Variants in DLAT observed in about 807,000 individuals in gnomAD.
DLAT encodes dihydrolipoamide S-acetyltransferase, also known as dihydrolipoyllysine-residue acetyltransferase component of pyruvate dehydrogenase complex, mitochondrial.
DLAT carries 43 observed loss-of-function variants against 68.0 expected under a neutral mutation model. The ratio of observed to expected loss-of-function variants is 0.63; its 90% CI spans 0.50 to 0.81. The LOEUF is 0.81. Ranked by LOEUF, DLAT falls within the 40% of genes least tolerant of loss-of-function variation. DLAT has a pLI of 0.00. For missense variants in DLAT, 745 were observed against 815.4 expected (o/e 0.91, Z 1.05); for synonymous variants, 265 against 288.6 (o/e 0.92, Z 0.83).
At position 112,025,560 on chromosome 11, in the gene DLAT, G is replaced by A. The variant is rs1768516676; in HGVS notation, c.88G>A (p.Gly30Arg). Residue 30 changes from glycine (G) to arginine (R), a missense_variant, in exon 1 of 14, where the codon GGA becomes AGA. Physicochemically the swap from Gly to Arg is moderately radical, Grantham distance 125 (BLOSUM62 -2). Coordinates refer to ENST00000280346, the MANE Select transcript of DLAT (RefSeq NM_001931.5). ...ARWTALQEVP[G>R]TPRVTSRSGP... Reference sequence around the variant, plus strand: ...GTGGACGGCCTTGCAGGAGGTACCCGGAACTCCACGAGTGACCTCGCGATC... The same window carrying A: ...GTGGACGGCCTTGCAGGAGGTACCCAGAACTCCACGAGTGACCTCGCGATC... 4.3e-6 allele frequency: 7 copies of A among 1,613,908 alleles called. No homozygotes were observed. The highest frequency in any genetic ancestry group is 5.9e-6 in the Non-Finnish European group (7 of 1,180,006).
At chr11:112,033,594 A>C in intron 5 of DLAT, 64 bp downstream of exon 5, 1 of 1,579,738 alleles carries the variant, frequency 6.3e-7, no homozygotes, top group South Asian at 1.1e-5. Context: ...GAGGATTGCC[A>C]TTCTTTCCTA....
In DLAT at chr11:112,064,202, G is replaced by A. The variant is rs782704904; in HGVS notation, c.*1667G>A. ...CAAAGATAATTCATCTTTCGCTAAT[G>A]CTTGTGGTTCTGTTGTTCCCTTGAA... On this transcript the variant is annotated 3_prime_UTR_variant, in exon 14 of 14. Transcript: ENST00000280346. The A allele has an allele frequency of 3.8e-6, 6 of 1,570,060 alleles. No homozygotes were observed. In the East Asian group the frequency reaches 1.1e-4, roughly 30 times the overall value.
intron 13 of DLAT, 125 bp downstream of exon 13, chr11:112,061,299 T>C: frequency 2.1e-6 from 2 of 947,536 alleles, no homozygotes; most frequent in Non-Finnish European, 3.4e-6. Context: ...AATGCTCAAG[T>C]CCCTGATATG....
chr11:112,040,926 A>T (rs1453103976), intron 7 of DLAT, among the ~76,000 whole-genome samples: 1 of 151,644 alleles, frequency 6.6e-6, no homozygotes, highest in Non-Finnish European at 1.5e-5. Context: ...GGAGTGTTAA[A>T]AAAAAAAAAG....
rs1215265110 is a variant in DLAT at position 112,045,129 on chromosome 11, C to T, written c.1198-9C>T. On this transcript the variant is annotated splice_polypyrimidine_tract_variant and intron_variant, in intron 8 of 13. Transcript: ENST00000280346. ...ACAGTTACTAAGAGCTTTTTCTTTCCTCCCATAGGCTCCGGCAGCTGTTGT... is the reference window on the plus strand; with the variant it reads ...ACAGTTACTAAGAGCTTTTTCTTTCTTCCCATAGGCTCCGGCAGCTGTTGT... The T allele has an allele frequency of 6.2e-7, 1 of 1,612,468 alleles. No individual in the cohort carries two copies. Among genetic ancestry groups the T allele is most frequent in the Non-Finnish European group, 8.5e-7 (1 of 1,178,734 alleles).
intron 10 of DLAT, among the ~76,000 whole-genome samples, chr11:112,046,229 G>A (rs989378401): frequency 6.6e-6 from 1 of 151,924 alleles, no homozygotes; most frequent in African/African-American, 2.4e-5. Flanking sequence ...TTGTTTCCTT[G>A]TAACAGTTTT....
At chr11:112,029,594 T>C (rs1413586224) in intron 4 of DLAT, among the ~76,000 whole-genome samples, 1 of 151,766 alleles carries the variant, frequency 6.6e-6, no homozygotes, top group Non-Finnish European at 1.5e-5. Context: ...CCTCCTCCAA[T>C]ACCCAGACAC....
chr11:112,047,402 C>T (rs1863377564), intron 10 of DLAT, among the ~76,000 whole-genome samples: 1 of 152,116 alleles, frequency 6.6e-6, no homozygotes, highest in African/African-American at 2.4e-5. Flanking sequence ...AATTTTCTCC[C>T]ATTCTGTAGG....
intron 11 of DLAT, among the ~76,000 whole-genome samples, chr11:112,054,811 A>G (rs1863906798): frequency 6.6e-6 from 1 of 152,200 alleles, no homozygotes; most frequent in South Asian, 2.1e-4. Flanking sequence ...AAGACTATAG[A>G]GAAGAATCCT....
chr11:112,059,762 T>A, intron 11 of DLAT, 141 bp from the exon 12 acceptor site: 1 of 640,882 alleles, frequency 1.6e-6, no homozygotes, highest in Non-Finnish European at 2.6e-6. Context: ...AGGATAGACA[T>A]CTTAATTTTT....
In DLAT at chr11:112,051,200, A is replaced by G. The variant is rs781907594; in HGVS notation, c.1399-34A>G. Reference sequence around the variant, plus strand: ...ACTTAAAATTAAAATTAAAATTAAAAAAGAAGAAACTACAGTTCTTCTTGT... The same window carrying G: ...ACTTAAAATTAAAATTAAAATTAAAGAAGAAGAAACTACAGTTCTTCTTGT... On this transcript the variant is annotated intron_variant, in intron 10 of 13. Coordinates refer to ENST00000280346, the MANE Select transcript of DLAT (RefSeq NM_001931.5). This position sits in a 1 kb window ranked among gnomAD's most constrained non-coding sequence, Gnocchi z 4.3. 7.2e-7 allele frequency: 1 copy of G among 1,393,186 alleles called. No homozygotes were observed. Among genetic ancestry groups the G allele is most frequent in the South Asian group, 1.2e-5 (1 of 81,406 alleles). The allele number at this position is 1,393,186 out of a possible 1,614,324, so 86.3% of individuals were successfully genotyped here.
rs1384801673 is a variant in DLAT at position 112,051,527 on chromosome 11, T to TC, written c.1514+179dup. Among the ~76,000 whole-genome samples the TC allele has an allele frequency of 6.6e-6, 1 of 152,200 alleles. No individual in the cohort carries two copies. Among genetic ancestry groups the TC allele is most frequent in the Non-Finnish European group, 1.5e-5 (1 of 68,038 alleles). ...TGAGTTACTGCTTTTTACTTTTTTTTCTTACTGGCCCCAATTTTCAACCTT... is the reference window on the plus strand; with the variant it reads ...TGAGTTACTGCTTTTTACTTTTTTTTCCTTACTGGCCCCAATTTTCAACCTT... On this transcript the variant is annotated intron_variant, in intron 11 of 13. Transcript: ENST00000280346. This position sits in a 1 kb window ranked among gnomAD's most constrained non-coding sequence, Gnocchi z 4.3.
In DLAT at chr11:112,062,499, A is replaced by G; in HGVS notation, c.1908A>G (p.Arg636=). The G allele has an allele frequency of 6.2e-7, 1 of 1,612,612 alleles. No homozygotes were observed. Among genetic ancestry groups the G allele is most frequent in the East Asian group, 2.2e-5 (1 of 44,886 alleles). ...AVGAQWLAEF[R]KYLEKPITML... ...GAGCCCAGTGGCTTGCTGAGTTTAG[A>G]AAGTACCTTGAAAAACCTATCACTA... The change falls in exon 14 of 14, where the codon AGA becomes AGG. Residue 636 remains arginine, a synonymous_variant. Coordinates refer to ENST00000280346, the MANE Select transcript of DLAT (RefSeq NM_001931.5).
chr11:112,051,168 C>A lies in DLAT; in HGVS notation c.1399-66C>A. On this transcript the variant is annotated intron_variant, in intron 10 of 13. Transcript: ENST00000280346. The surrounding 1 kb of genome is among the most constrained non-coding windows in gnomAD (Gnocchi z 4.3). ...TAAACCTGGACATTCTGCACATGCA[C>A]CCTGAAACTTAAAATTAAAATTAAA... 1.8e-6 allele frequency: 2 copies of A among 1,133,312 alleles called. No individual in the cohort carries two copies. Among genetic ancestry groups the A allele is most frequent in the East Asian group, 4.9e-5 (2 of 41,112 alleles). 70.2% of individuals were successfully genotyped at this position (1,133,312 alleles called of 1,614,324 possible). A position where few individuals can be genotyped will look rare whatever the true frequency, so the allele number is the denominator to read the frequency against.
chr11:112,040,322 T>C (rs1330897749), intron 7 of DLAT, among the ~76,000 whole-genome samples: 1 of 152,224 alleles, frequency 6.6e-6, no homozygotes, highest in Non-Finnish European at 1.5e-5. Context: ...ACAACACTTC[T>C]TGAAGTAAGA....
At chr11:112,061,323 T>C (rs1864609253) in intron 13 of DLAT, 149 bp downstream of exon 13, 2 of 787,768 alleles carry the variant, frequency 2.5e-6, no homozygotes, top group Admixed American at 2.0e-5. Context: ...TGATGTAATA[T>C]TTGCATATAA....
chr11:112,052,662 T>G (rs1458798296), intron 11 of DLAT, among the ~76,000 whole-genome samples: 2 of 152,086 alleles, frequency 1.3e-5, no homozygotes, highest in African/African-American at 4.8e-5. Flanking sequence ...TCATTAAATC[T>G]TGTTGAAGGG....
chr11:112,060,519 A>G (rs1245125639), intron 12 of DLAT, among the ~76,000 whole-genome samples: 2 of 152,004 alleles, frequency 1.3e-5, no homozygotes, highest in Non-Finnish European at 2.9e-5. Flanking sequence ...CAATGGTGCA[A>G]TCTTGGCTCA....
intron 2 of DLAT, 75 bp downstream of exon 2, chr11:112,026,374 G>C (rs1862013741): frequency 1.2e-6 from 1 of 844,422 alleles, no homozygotes; most frequent in African/African-American, 1.8e-5. Context: ...TCTCGCAGAG[G>C]GGGATTTGGC....
Sources: allele counts gnomAD v4.1 joint callset (sites outside exome capture counted in the v4.1 genomes callset), GRCh38; gene constraint gnomAD v4.1.1; non-coding constraint Gnocchi (gnomAD v3.1); transcripts MANE v1.5; gene names NCBI Gene and HGNC (gene_info 2026-07-23, HGNC 2026-07-21).